Variants in MUC13 observed in about 807,000 individuals in gnomAD.
The protein encoded by MUC13 is mucin 13, cell surface associated.
MUC13 carries 32 observed loss-of-function variants against 48.3 expected under a neutral mutation model. The observed-to-expected ratio is 0.66, with a 90% CI of 0.50 to 0.89. The LOEUF (loss-of-function observed/expected upper bound fraction) is 0.89, where lower values mean the gene tolerates loss of function less well. Ranked by LOEUF, MUC13 falls within the 40% of genes least tolerant of loss-of-function variation. The pLI, the probability that MUC13 is intolerant of heterozygous loss-of-function variation, is 0.00. For synonymous variants in MUC13, 199 were observed against 224.9 expected, an observed-to-expected ratio of 0.88 and a Z score of 1.03; for missense variants, 571 against 622.8, an observed-to-expected ratio of 0.92 and a Z score of 0.88.
At chr3:124,908,713 C>T (rs1559996130) in intron 10 of MUC13, among the ~76,000 whole-genome samples, 1 of 152,230 alleles carries the variant, frequency 6.6e-6, no homozygotes, top group Non-Finnish European at 1.5e-5. Flanking sequence ...GACTTCAATG[C>T]TGATCCAACA....
intron 6 of MUC13, among the ~76,000 whole-genome samples, chr3:124,915,433 T>C (rs75695937): frequency 6.6e-6 from 1 of 152,336 alleles, no homozygotes; most frequent in African/African-American, 2.4e-5. Flanking sequence ...ATGGGTCTGC[T>C]GATAAGAGAC....
chr3:124,920,456 C>T (rs910797506), intron 4 of MUC13, among the ~76,000 whole-genome samples, 167 bp from the exon 5 acceptor site: 2 of 152,118 alleles, frequency 1.3e-5, no homozygotes, highest in Non-Finnish European at 2.9e-5. Flanking sequence ...CTGGGACTGC[C>T]CCCACAAAGG....
chr3:124,914,912 T>C (rs1404267885), intron 6 of MUC13, among the ~76,000 whole-genome samples: 1 of 152,030 alleles, frequency 6.6e-6, no homozygotes. Context: ...GGCAACAGTG[T>C]GAGACCCTGA....
intron 10 of MUC13, among the ~76,000 whole-genome samples, chr3:124,909,702 A>C (rs1006992879): frequency 2.0e-5 from 3 of 152,164 alleles, no homozygotes; most frequent in Non-Finnish European, 4.4e-5. Context: ...AGTTAAAAAA[A>C]AACAACAACC....
chr3:124,922,124 C>G (rs1383564028), intron 4 of MUC13, 73 bp downstream of exon 4: 3 of 1,543,214 alleles, frequency 1.9e-6, no homozygotes, highest in Non-Finnish European at 1.8e-6. Flanking sequence ...CACCTGAAGA[C>G]CAGCTCTACA....
chr3:124,921,774 GAAA>G (rs934566317), intron 4 of MUC13, among the ~76,000 whole-genome samples: 8 of 152,228 alleles, frequency 5.3e-5, no homozygotes, highest in Non-Finnish European at 1.2e-4. Context: ...ATATAAAAAA[GAAA>G]AACAACATCT....
At chr3:124,926,308 A>T (rs965040534) in intron 2 of MUC13, among the ~76,000 whole-genome samples, 6 of 152,180 alleles carry the variant, frequency 3.9e-5, no homozygotes, top group African/African-American at 1.4e-4. Flanking sequence ...GAGAGAAATG[A>T]CTTGCCCCAT....
chr3:124,916,220 T>G, intron 6 of MUC13, 97 bp downstream of exon 6: 5 of 879,884 alleles, frequency 5.7e-6, no homozygotes, highest in Non-Finnish European at 8.9e-6. Context: ...AGTTCAATGA[T>G]GCAGTTCTTG....
Position 124,920,250 on chromosome 3 carries a change from C to G in MUC13, c.784G>C (p.Val262Leu). 1 of 1,607,006 alleles carries G rather than the reference C, an allele frequency of 6.2e-7. No individual in the cohort carries two copies. The highest frequency in any genetic ancestry group is 8.5e-7 in the Non-Finnish European group (1 of 1,175,884). The change falls in exon 5 of 12, where the codon GTA becomes CTA. Residue 262 changes from valine (V) to leucine (L), a missense_variant. By Grantham distance (32) the Val-to-Leu change is conservative. Coordinates refer to ENST00000616727, the MANE Select transcript of MUC13 (RefSeq NM_033049.4). ...VFGTSVYGQT[V>L]ILTVSTSLSP... The stretch of plus-strand genomic sequence containing the variant: ...CAAACTTACCTTACAGTAAGAATTA[C>G]AGTCTGTCCATAAACAGATGTGCCA...
chr3:124,907,218 G>T (rs1293102837), intron 11 of MUC13, among the ~76,000 whole-genome samples: 1 of 151,900 alleles, frequency 6.6e-6, no homozygotes, highest in Non-Finnish European at 1.5e-5. Flanking sequence ...ATTTGCCCAG[G>T]CTGGTCTCGA....
intron 1 of MUC13, among the ~76,000 whole-genome samples, chr3:124,929,170 CTTTTATTTTAT>C (rs1935749236): frequency 1.5e-5 from 2 of 134,496 alleles, no homozygotes; most frequent in African/African-American, 5.5e-5. Flanking sequence ...TTCCCCCACT[CTTTTATTTTAT>C]TTTTTTTTTT....
rs764056481 is a variant in MUC13 at position 124,920,308 on chromosome 3, T to A, written c.745-19A>T. 5 of 1,575,974 alleles carry A rather than the reference T, an allele frequency of 3.2e-6. No individual in the cohort carries two copies. In the South Asian group the frequency reaches 6.0e-5, roughly 19 times the overall value. On this transcript the variant is annotated intron_variant, in intron 4 of 11. Transcript: ENST00000616727. ...CTTTAAACTGTGGAGGAAAACAGAT[T>A]TAATAACAAGTAAAAAAAATTTTTT...
rs1935309286 is a variant in MUC13, at chr3:124,905,968, T to G, written c.*775A>C. On this transcript the variant is annotated 3_prime_UTR_variant, in exon 12 of 12. Coordinates refer to ENST00000616727, the MANE Select transcript of MUC13 (RefSeq NM_033049.4). ...CCCCACCCAGTTTCCTTTGCCTCTC[T>G]TCCTTCTACCAGGTCATGTTTTTTA... 1 of 152,728 alleles carries G rather than the reference T, an allele frequency of 6.5e-6. No individual in the cohort carries two copies. The highest frequency in any genetic ancestry group is 1.5e-5 in the Non-Finnish European group (1 of 68,120). The allele number at this position is 152,728 out of a possible 1,614,324, so 9.5% of individuals were successfully genotyped here.
chr3:124,923,143 C>T (rs1428897168), intron 3 of MUC13, among the ~76,000 whole-genome samples: 1 of 149,932 alleles, frequency 6.7e-6, no homozygotes, highest in African/African-American at 2.4e-5. Context: ...AGCCCTCAGA[C>T]CTTCACTGCA....
At position 124,916,481 on chromosome 3, in the gene MUC13, C is replaced by T. The variant is rs915366346; in HGVS notation, c.801-1G>A. ...TTCAGATCTTGGTGACAGAGATGTG[C>T]TAAAAATGAGATGAATCTGTCACTT... On this transcript the variant is annotated splice_acceptor_variant, in intron 5 of 11. Transcript: ENST00000616727. LOFTEE classifies it high-confidence loss of function. The T allele has an allele frequency of 6.2e-7, 1 of 1,608,126 alleles. No homozygotes were observed. Among genetic ancestry groups the T allele is most frequent in the African/African-American group, 1.3e-5 (1 of 74,958 alleles).
chr3:124,918,154 C>G (rs1935537325), intron 5 of MUC13, among the ~76,000 whole-genome samples: 1 of 152,124 alleles, frequency 6.6e-6, no homozygotes. Flanking sequence ...CCAATTCCAA[C>G]ATTGCTATAG....
chr3:124,908,744 C>T (rs1935367200), intron 10 of MUC13, among the ~76,000 whole-genome samples: 1 of 152,234 alleles, frequency 6.6e-6, no homozygotes, highest in Non-Finnish European at 1.5e-5. Context: ...ATTCCACTGG[C>T]CTCATTCATA....
intron 1 of MUC13, among the ~76,000 whole-genome samples, chr3:124,931,227 T>C (rs757977197): frequency 6.8e-6 from 1 of 146,956 alleles, no homozygotes; most frequent in South Asian, 2.2e-4. Flanking sequence ...GATCAAGAGA[T>C]TGTGACCATC....
chr3:124,908,002 A>ATC (rs143529974), intron 11 of MUC13, 145 bp downstream of exon 11: 291 of 731,162 alleles, frequency 4.0e-4, no homozygotes, highest in Admixed American at 1.4e-3. Flanking sequence ...TTCCTTTTTG[A>ATC]TCTCTCTCTC....
Sources: allele counts gnomAD v4.1 joint callset (sites outside exome capture counted in the v4.1 genomes callset), GRCh38; gene constraint gnomAD v4.1.1; transcripts MANE v1.5; gene names NCBI Gene and HGNC (gene_info 2026-07-23, HGNC 2026-07-21).